Variants in FXN observed in about 807,000 individuals in gnomAD.
The protein encoded by FXN is frataxin, mitochondrial.
FXN carries 14 observed loss-of-function variants against 22.4 expected under a neutral mutation model. The ratio of observed to expected loss-of-function variants is 0.62; its 90% CI spans 0.41 to 0.98. The LOEUF is 0.98. FXN is among the 50% of genes least tolerant of loss of function. The pLI is 0.00. For missense variants in FXN, 267 were observed against 268.4 expected (o/e 0.99, Z 0.04); for synonymous variants, 120 against 114.1 (o/e 1.05, Z -0.33).
At chr9:69,049,999 C>G (rs1228068573) in intron 2 of FXN, among the ~76,000 whole-genome samples, 1 of 152,230 alleles carries the variant, frequency 6.6e-6, no homozygotes, top group Non-Finnish European at 1.5e-5. Context: ...CCAGCCCCTG[C>G]AAGCAAGCTG....
chr9:69,060,045 G>A (rs3793457), intron 3 of FXN, among the ~76,000 whole-genome samples: 73,735 of 151,922 alleles, frequency 0.49, 18,216 homozygotes, highest in Middle Eastern at 0.56. Flanking sequence ...CTCCTACATG[G>A]GTAGGGCTGA....
At chr9:69,043,107 T>G (rs1009680288) in intron 1 of FXN, among the ~76,000 whole-genome samples, 4 of 152,168 alleles carry the variant, frequency 2.6e-5, no homozygotes, top group East Asian at 1.9e-4. Context: ...TTCAAAGATG[T>G]GTGCAGAGCG....
chr9:69,068,078 C>T (rs1041851224), intron 4 of FXN, among the ~76,000 whole-genome samples: 2 of 152,150 alleles, frequency 1.3e-5, no homozygotes, highest in Non-Finnish European at 1.5e-5. Flanking sequence ...TAGGTGGGAC[C>T]GGGCTTCCCT....
intron 1 of FXN, among the ~76,000 whole-genome samples, chr9:69,043,724 C>T (rs976534841): frequency 1.3e-5 from 2 of 152,202 alleles, no homozygotes; most frequent in East Asian, 3.8e-4. Context: ...GCACAGATTA[C>T]AGGCACATGT....
Position 69,076,494 on chromosome 9 carries a change from A to G in FXN, c.*3732A>G. 1.0e-6 allele frequency: 1 copy of G among 985,326 alleles called. No homozygotes were observed. Among genetic ancestry groups the G allele is most frequent in the Non-Finnish European group, 1.2e-6 (1 of 829,860 alleles). The allele number at this position is 985,326 out of a possible 1,614,324, so 61.0% of individuals were successfully genotyped here. A position where few individuals can be genotyped will look rare whatever the true frequency, so the allele number is the denominator to read the frequency against. On this transcript the variant is annotated 3_prime_UTR_variant, in exon 5 of 5. Transcript: ENST00000484259. ...TTATCGTGTGCCTTACCATGCTTAT[A>G]TTTTACTTGATCTTTTGCATACCTT...
intron 3 of FXN, 72 bp downstream of exon 3, chr9:69,053,332 CCTCCAGCAGAG>C: frequency 6.5e-7 from 1 of 1,527,766 alleles, no homozygotes; most frequent in Non-Finnish European, 9.0e-7. Context: ...GAAGAATTTC[CCTCCAGCAGAG>C]CTAAGCATCA....
At chr9:69,049,105 G>A (rs1423564127) in intron 2 of FXN, among the ~76,000 whole-genome samples, 1 of 152,134 alleles carries the variant, frequency 6.6e-6, no homozygotes, top group African/African-American at 2.4e-5. Context: ...TCTGGCCTCT[G>A]GGAAGCACAC....
chr9:69,069,368 AAGG>A (rs968403304), intron 4 of FXN, among the ~76,000 whole-genome samples: 12 of 151,644 alleles, frequency 7.9e-5, no homozygotes, highest in East Asian at 1.9e-4. Flanking sequence ...GTCTCAAAAA[AAGG>A]AGGAGAAGAA....
chr9:69,046,628 A>G, intron 2 of FXN, 146 bp downstream of exon 2: 1 of 688,848 alleles, frequency 1.5e-6, no homozygotes, highest in Non-Finnish European at 2.6e-6. Flanking sequence ...TTTTAATGAA[A>G]TAGTATTAGA....
At chr9:69,037,020 T>G (rs892713254) in intron 1 of FXN, among the ~76,000 whole-genome samples, 2 of 152,172 alleles carry the variant, frequency 1.3e-5, no homozygotes, top group Non-Finnish European at 1.5e-5. Context: ...TGTGTTGCTC[T>G]CCGGAGTTTG....
At chr9:69,039,308 TAATTAA>T (rs1246043914) in intron 1 of FXN, among the ~76,000 whole-genome samples, 15 of 151,660 alleles carry the variant, frequency 9.9e-5, no homozygotes, top group Admixed American at 5.9e-4. Flanking sequence ...TCACCTCAAA[TAATTAA>T]AATTAAATGA....
At position 69,077,928 on chromosome 9, in the gene FXN, T is replaced by C; in HGVS notation, c.*5166T>C. 1.0e-6 allele frequency: 1 copy of C among 980,036 alleles called. No homozygotes were observed. The highest frequency in any genetic ancestry group is 1.2e-6 in the Non-Finnish European group (1 of 825,154). The allele number at this position is 980,036 out of a possible 1,614,324, so 60.7% of individuals were successfully genotyped here. A position where few individuals can be genotyped will look rare whatever the true frequency, so the allele number is the denominator to read the frequency against. On this transcript the variant is annotated 3_prime_UTR_variant, in exon 5 of 5. Coordinates refer to ENST00000484259, the MANE Select transcript of FXN (RefSeq NM_000144.5). The stretch of plus-strand genomic sequence containing the variant: ...CTGGGTGACAAGAGGGAAACTCCAT[T>C]AAAAAAATGTAATTCCCGTGTCTGC...
Position 69,069,879 on chromosome 9 carries a change from A to G in FXN, c.483-2733A>G, listed in dbSNP as rs182946167. 3.9e-3 allele frequency among the ~76,000 whole-genome samples: 587 copies of G among 152,336 alleles called. 2 individuals are homozygous for G. Among genetic ancestry groups the G allele is most frequent in the African/African-American group, 0.014 (563 of 41,586 alleles). On this transcript the variant is annotated intron_variant, in intron 4 of 4. Transcript: ENST00000484259. ...TCACACCCATGACCACTACATGAAG[A>G]TGGCCCAAAACCTGGCCCAGGAATT...
intron 3 of FXN, among the ~76,000 whole-genome samples, chr9:69,060,660 G>A (rs940230019): frequency 6.8e-6 from 1 of 147,456 alleles, no homozygotes; most frequent in East Asian, 1.9e-4. Flanking sequence ...CAAGATCTGT[G>A]GGGGAAAAAA....
At chr9:69,036,092 G>A (rs956618815) in intron 1 of FXN, 145 bp downstream of exon 1, 4 of 630,468 alleles carry the variant, frequency 6.3e-6, no homozygotes, top group Admixed American at 9.6e-5. Flanking sequence ...AGGGCGGCCC[G>A]GCGGAAGCGG....
chr9:69,070,992 T>G (rs2481601), intron 4 of FXN, among the ~76,000 whole-genome samples: 90,959 of 151,748 alleles, frequency 0.6, 27,655 homozygotes, highest in African/African-American at 0.69. Flanking sequence ...TTGTTTGTTT[T>G]TTTTAATTTG....
intron 3 of FXN, among the ~76,000 whole-genome samples, chr9:69,062,821 T>C (rs1832100540): frequency 6.6e-6 from 1 of 151,948 alleles, no homozygotes; most frequent in Non-Finnish European, 1.5e-5. Context: ...GTGAATATAC[T>C]TTATTGTTCT....
intron 1 of FXN, among the ~76,000 whole-genome samples, chr9:69,044,555 A>G (rs962852944): frequency 6.6e-6 from 1 of 152,186 alleles, no homozygotes; most frequent in African/African-American, 2.4e-5. Context: ...CATGGCAACC[A>G]GTGACCTTTG....
intron 4 of FXN, among the ~76,000 whole-genome samples, chr9:69,070,012 T>A (rs1003637585): frequency 6.6e-6 from 1 of 152,114 alleles, no homozygotes; most frequent in Non-Finnish European, 1.5e-5. Context: ...GCAGATGGCT[T>A]GAGCTCAGGA....
Sources: allele counts gnomAD v4.1 joint callset (sites outside exome capture counted in the v4.1 genomes callset), GRCh38; gene constraint gnomAD v4.1.1; transcripts MANE v1.5; gene names NCBI Gene and HGNC (gene_info 2026-07-23, HGNC 2026-07-21).